TUBGCP5: variants seen among roughly 807,000 people sequenced by gnomAD.
TUBGCP5 encodes the protein gamma-tubulin complex component 5.
Under a neutral mutation model 134.7 loss-of-function variants are expected in TUBGCP5, and 98 were observed. That is an observed-to-expected ratio of 0.73 (90% CI 0.62 to 0.86). The LOEUF is 0.86. Ranked by LOEUF, TUBGCP5 falls within the 40% of genes least tolerant of loss-of-function variation. The pLI, the probability that TUBGCP5 is intolerant of heterozygous loss-of-function variation, is 0.00. For missense variants in TUBGCP5, 1,150 were observed against 1,244.8 expected (o/e 0.92, Z 1.15); for synonymous variants, 456 against 431.4 (o/e 1.06, Z -0.71).
At chr15:23,034,899 C>T (rs1195828055) in intron 3 of TUBGCP5, among the ~76,000 whole-genome samples, 1 of 151,976 alleles carries the variant, frequency 6.6e-6, no homozygotes, top group African/African-American at 2.4e-5. Context: ...AAACCAAAAA[C>T]TGATTCGCTG....
rs2065366383 is a variant in TUBGCP5, at chr15:23,016,972, A to ATATATATATATATATATG, written c.1756+800_1756+801insCATATATATATATATATA. Among the ~76,000 whole-genome samples the ATATATATATATATATATG allele has an allele frequency of 1.4e-5, 2 of 138,380 alleles. 1 individual carries two copies. Among genetic ancestry groups the ATATATATATATATATATG allele is most frequent in the Admixed American group, 1.4e-4 (2 of 14,304 alleles). The allele number at this position is 138,380 out of a possible 152,430, so 90.8% of individuals were successfully genotyped here. On this transcript the variant is annotated intron_variant, in intron 13 of 22. Coordinates refer to ENST00000615383, the MANE Select transcript of TUBGCP5 (RefSeq NM_052903.6). ...TGAATGGGTAAAAAAATTGTGAGAT[A>ATATATATATATATATATG]TATATATATATATATGTATATATCT...
In TUBGCP5 at chr15:23,011,288, T is replaced by TA; in HGVS notation, c.1799dup (p.Gln601ThrfsTer17). ...CTTCTCCATGTCGAAGACGGGACTG[T>TA]ACAGATTCCAGAAAGAGAGTGTATA... On this transcript the variant is annotated frameshift_variant, in exon 14 of 23. Transcript: ENST00000615383. LOFTEE classifies it high-confidence loss of function. 1 of 1,613,872 alleles carries TA rather than the reference T, an allele frequency of 6.2e-7. No individual in the cohort carries two copies. The highest frequency in any genetic ancestry group is 8.5e-7 in the Non-Finnish European group (1 of 1,179,936).
chr15:23,020,322 G>C (rs934645199), intron 11 of TUBGCP5, among the ~76,000 whole-genome samples: 1 of 151,916 alleles, frequency 6.6e-6, no homozygotes, highest in Admixed American at 6.6e-5. Flanking sequence ...CAGGAGAATA[G>C]TTTGAACCCA....
intron 23 of TUBGCP5, among the ~76,000 whole-genome samples, chr15:22,984,646 A>T (rs2063630163): frequency 2.6e-5 from 4 of 152,126 alleles, no homozygotes; most frequent in South Asian, 2.1e-4. Flanking sequence ...AACTTTTTTT[A>T]AAAATGGTGC....
chr15:23,015,757 G>A (rs1284270949), intron 13 of TUBGCP5, among the ~76,000 whole-genome samples: 1 of 152,132 alleles, frequency 6.6e-6, no homozygotes. Context: ...CACTAAAGTG[G>A]ATTACAACTG....
Position 22,999,771 on chromosome 15 carries a change from T to C in TUBGCP5, c.*49A>G, listed in dbSNP as rs1324602810. 4 of 1,572,824 alleles carry C rather than the reference T, an allele frequency of 2.5e-6. No individual in the cohort carries two copies. The African/African-American group carries it at 4.0e-5, about 16-fold the overall frequency. Reference sequence around the variant, plus strand: ...ACTTTTCAGCTGCACATGGTGGAAATGTACATGTATGATGACAAAGTCGGA... The same window carrying C: ...ACTTTTCAGCTGCACATGGTGGAAACGTACATGTATGATGACAAAGTCGGA... On this transcript the variant is annotated 3_prime_UTR_variant, in exon 23 of 23. Coordinates refer to ENST00000615383, the MANE Select transcript of TUBGCP5 (RefSeq NM_052903.6).
intron 6 of TUBGCP5, 80 bp downstream of exon 6, chr15:23,030,805 T>A (rs1050498994): frequency 6.5e-7 from 1 of 1,543,054 alleles, no homozygotes; most frequent in Admixed American, 2.1e-5. Flanking sequence ...CTTGATTACA[T>A]GGAACTGATC....
chr15:23,032,190 AT>A (rs1471558671), intron 4 of TUBGCP5, among the ~76,000 whole-genome samples, 161 bp from the exon 5 acceptor site: 1 of 152,218 alleles, frequency 6.6e-6, no homozygotes. Context: ...AACATTTTAC[AT>A]TTTAATTAAC....
chr15:23,028,218 A>C (rs78370364), intron 6 of TUBGCP5, among the ~76,000 whole-genome samples: 5,704 of 151,986 alleles, frequency 0.038, 257 homozygotes, highest in African/African-American at 0.11. Context: ...ATCTCTACAA[A>C]AAAGTAACAA....
chr15:23,005,521 GTTC>G lies in TUBGCP5; in HGVS notation c.2620_2622del (p.Glu874del). 1 of 1,614,170 alleles carries G rather than the reference GTTC, an allele frequency of 6.2e-7. No individual in the cohort carries two copies. Among genetic ancestry groups the G allele is most frequent in the Non-Finnish European group, 8.5e-7 (1 of 1,180,024 alleles). On this transcript the variant is annotated inframe_deletion, in exon 19 of 23. Coordinates refer to ENST00000615383, the MANE Select transcript of TUBGCP5 (RefSeq NM_052903.6). ...ATGCGATGAATCTGCTGTCTTACTG[GTTC>G]TTTTTGTGGTCCGAACTGAGCAACT...
At chr15:23,038,162 A>G (rs1290906722) in intron 1 of TUBGCP5, among the ~76,000 whole-genome samples, 1 of 152,204 alleles carries the variant, frequency 6.6e-6, no homozygotes, top group Non-Finnish European at 1.5e-5. Context: ...GTATATGTAC[A>G]TAGCATAGCC....
At chr15:22,986,462 C>T (rs955603354) in intron 23 of TUBGCP5, among the ~76,000 whole-genome samples, 5 of 151,982 alleles carry the variant, frequency 3.3e-5, no homozygotes, top group South Asian at 4.1e-4. Context: ...ATTGGCCGGG[C>T]GTGGTGGTTC....
intron 23 of TUBGCP5, among the ~76,000 whole-genome samples, chr15:22,992,452 GGTATGGGT>G (rs2063875665): frequency 1.3e-5 from 2 of 152,076 alleles, no homozygotes; most frequent in Non-Finnish European, 1.5e-5. Context: ...ATTATCCACA[GGTATGGGT>G]GTATGGGTAA....
intron 18 of TUBGCP5, 113 bp downstream of exon 18, chr15:23,005,939 C>A: frequency 2.0e-6 from 2 of 996,370 alleles, no homozygotes; most frequent in African/African-American, 2.6e-5. Context: ...TCAACAACCA[C>A]CAACTTTTTT....
At chr15:23,033,432 C>T (rs922216829) in intron 3 of TUBGCP5, among the ~76,000 whole-genome samples, 1 of 152,100 alleles carries the variant, frequency 6.6e-6, no homozygotes, top group African/African-American at 2.4e-5. Flanking sequence ...GTACGCACCA[C>T]CACGCCCGGG....
Position 23,032,786 on chromosome 15 carries a change from ACAC to A in TUBGCP5, c.345_347del (p.Cys116del). The A allele has an allele frequency of 1.3e-6, 2 of 1,596,714 alleles. No homozygotes were observed. The highest frequency in any genetic ancestry group is 1.7e-6 in the Non-Finnish European group (2 of 1,174,080). The stretch of plus-strand genomic sequence containing the variant: ...TGCTGTTTGAAGGAGAGTCTGACAG[ACAC>A]AGAAGAAGTGACAGTATGGAATAAT... On this transcript the variant is annotated inframe_deletion, in exon 4 of 23. Transcript: ENST00000615383.
chr15:23,012,218 T>C (rs999829614), intron 13 of TUBGCP5, among the ~76,000 whole-genome samples: 2 of 151,802 alleles, frequency 1.3e-5, no homozygotes, highest in African/African-American at 2.4e-5. Flanking sequence ...CGCAGTCTCA[T>C]TGGAAAAAAC....
intron 5 of TUBGCP5, 147 bp from the exon 6 acceptor site, chr15:23,031,167 T>C (rs1595902034): frequency 6.1e-6 from 4 of 660,570 alleles, no homozygotes; most frequent in Non-Finnish European, 7.3e-6. Context: ...CTAAATCTCT[T>C]GGAAGTGCCT....
intron 14 of TUBGCP5, 51 bp downstream of exon 14, chr15:23,011,082 T>C: frequency 6.3e-7 from 1 of 1,579,062 alleles, no homozygotes; most frequent in Non-Finnish European, 8.7e-7. Context: ...TAGCAAACAT[T>C]GCACAAATGA....
Sources: gnomAD v4.1 joint callset for allele counts (sites outside exome capture counted in the v4.1 genomes callset) on GRCh38, gnomAD v4.1.1 for gene constraint, MANE v1.5 for transcripts, NCBI Gene and HGNC (gene_info 2026-07-23, HGNC 2026-07-21) for gene names.